Variants in LEF1 observed in about 807,000 individuals in gnomAD.
LEF1 encodes the protein lymphoid enhancer-binding factor 1.
In LEF1, 14 loss-of-function variants were observed where a neutral mutation model predicts 51.2. That is an observed-to-expected ratio of 0.27 (90% CI 0.18 to 0.43). The LOEUF is 0.43. Ranked by LOEUF, LEF1 falls within the 20% of genes least tolerant of loss-of-function variation. The pLI is 1.00. For synonymous variants in LEF1, 185 were observed against 183.2 expected, an observed-to-expected ratio of 1.01 and a Z score of -0.08; for missense variants, 386 against 512.0, an observed-to-expected ratio of 0.75 and a Z score of 2.37.
intron 3 of LEF1, among the ~76,000 whole-genome samples, chr4:108,103,301 A>G (rs1740942972): frequency 6.6e-6 from 1 of 152,258 alleles, no homozygotes; most frequent in Non-Finnish European, 1.5e-5. Context: ...CAATCAGTAT[A>G]TTATTCACAA....
chr4:108,089,071 A>T, intron 4 of LEF1, 54 bp downstream of exon 4: 1 of 1,608,674 alleles, frequency 6.2e-7, no homozygotes, highest in East Asian at 2.2e-5. Context: ...GGCTGATGAG[A>T]TTTGGCTCTT....
At chr4:108,081,904 T>G (rs1739332208) in intron 5 of LEF1, among the ~76,000 whole-genome samples, 2 of 152,200 alleles carry the variant, frequency 1.3e-5, no homozygotes, top group Admixed American at 1.3e-4. Flanking sequence ...AAACCATCCA[T>G]GAATTACATC....
chr4:108,091,936 C>A (rs1476231028), intron 3 of LEF1, among the ~76,000 whole-genome samples: 1 of 152,096 alleles, frequency 6.6e-6, no homozygotes. Context: ...GCATAATTGC[C>A]AAACAATCTA....
At chr4:108,157,146 CATT>C in intron 3 of LEF1, among the ~76,000 whole-genome samples, 1 of 134,860 alleles carries the variant, frequency 7.4e-6, no homozygotes. Context: ...TCTACCTCTT[CATT>C]CTCTCTCTCT....
intron 3 of LEF1, among the ~76,000 whole-genome samples, chr4:108,115,787 T>C (rs1741795966): frequency 6.6e-6 from 1 of 151,482 alleles, no homozygotes; most frequent in African/African-American, 2.4e-5. Context: ...TCCTTGCATT[T>C]TACCAATAAG....
intron 6 of LEF1, among the ~76,000 whole-genome samples, chr4:108,080,510 C>A (rs1159134808): frequency 1.3e-5 from 2 of 152,076 alleles, no homozygotes; most frequent in African/African-American, 4.8e-5. Flanking sequence ...TTTTCAAAAA[C>A]AAATTTTAAA....
In LEF1 at chr4:108,072,250, TCTC is replaced by T. The variant is rs548601379; in HGVS notation, c.1009-1483_1009-1481del. ...GAGAGGTTGATGAGAGAGAAAAACT[TCTC>T]CTAGAGGAGGCTATGTCTAAGTCCT... On this transcript the variant is annotated intron_variant, in intron 8 of 11. Transcript: ENST00000265165. 3.3e-5 allele frequency: 5 copies of T among 152,022 alleles called. No individual in the cohort carries two copies. In the South Asian group the frequency reaches 1.0e-3, roughly 32 times the overall value. The allele number at this position is 152,022 out of a possible 1,614,324, so 9.4% of individuals were successfully genotyped here. A position where few individuals can be genotyped will look rare whatever the true frequency, so the allele number is the denominator to read the frequency against.
chr4:108,089,778 A>T (rs1739889493), intron 3 of LEF1, among the ~76,000 whole-genome samples: 2 of 152,184 alleles, frequency 1.3e-5, no homozygotes, highest in African/African-American at 4.8e-5. Flanking sequence ...ATATCCCCTC[A>T]GCTTACAGAG....
intron 7 of LEF1, 102 bp from the exon 8 acceptor site, chr4:108,078,484 G>A (rs1363785429): frequency 1.4e-6 from 2 of 1,466,684 alleles, no homozygotes; most frequent in East Asian, 2.3e-5. Flanking sequence ...GCTACACTCA[G>A]GATGGCGACA....
intron 8 of LEF1, chr4:108,075,460 T>C (rs1231925941): frequency 2.0e-5 from 3 of 152,210 alleles, no homozygotes; most frequent in Non-Finnish European, 2.9e-5. Context: ...TGAATGTTCA[T>C]TTGCCAATCA....
intron 3 of LEF1, among the ~76,000 whole-genome samples, chr4:108,133,823 T>C (rs115120805): frequency 4.3e-4 from 65 of 152,346 alleles, no homozygotes; most frequent in African/African-American, 1.5e-3. Context: ...TGAGATTCAT[T>C]ACATCAGAAA....
chr4:108,144,305 C>T (rs543562759), intron 3 of LEF1, among the ~76,000 whole-genome samples: 1 of 152,310 alleles, frequency 6.6e-6, no homozygotes, highest in East Asian at 1.9e-4. Context: ...TTTGGTTATT[C>T]CTTCAGTGAA....
At chr4:108,149,458 CAAA>C (rs371482539) in intron 3 of LEF1, among the ~76,000 whole-genome samples, 3 of 60,586 alleles carry the variant, frequency 5.0e-5, no homozygotes, top group African/African-American at 1.4e-4. Context: ...GACTCCGTCT[CAAA>C]AAAAAAAAAA....
At chr4:108,150,062 G>C (rs1001749236) in intron 3 of LEF1, among the ~76,000 whole-genome samples, 2 of 151,792 alleles carry the variant, frequency 1.3e-5, no homozygotes, top group Non-Finnish European at 2.9e-5. Flanking sequence ...ACTCACTGTT[G>C]CAACTTCTCA....
chr4:108,063,539 T>C (rs1470647765), intron 11 of LEF1, 84 bp downstream of exon 11: 3 of 1,037,496 alleles, frequency 2.9e-6, no homozygotes, highest in Non-Finnish European at 2.9e-6. Flanking sequence ...TCGAATGAAC[T>C]CATTATGAGC....
intron 11 of LEF1, among the ~76,000 whole-genome samples, chr4:108,063,267 G>C (rs1737822487): frequency 6.6e-6 from 1 of 152,174 alleles, no homozygotes; most frequent in African/African-American, 2.4e-5. Flanking sequence ...CCCTGGATTT[G>C]CTGAGTAAGA....
chr4:108,067,942 A>G (rs1216785452), intron 9 of LEF1, among the ~76,000 whole-genome samples: 1 of 151,986 alleles, frequency 6.6e-6, no homozygotes, highest in Non-Finnish European at 1.5e-5. Context: ...AGCCTGGCTC[A>G]GGGGTGAAAA....
At position 108,106,593 on chromosome 4, in the gene LEF1, G is replaced by A. The variant is rs142745864; in HGVS notation, c.415-17336C>T. 2.4e-3 allele frequency among the ~76,000 whole-genome samples: 364 copies of A among 152,236 alleles called. 1 individual carries two copies. The highest frequency in any genetic ancestry group is 6.6e-3 in the African/African-American group (273 of 41,548). On this transcript the variant is annotated intron_variant, in intron 3 of 11. Transcript: ENST00000265165. ...TAGGGTACTTTTGTTGTCGTTTCATGCAACACAAGTTATAAAGTGACTTGT... is the reference window on the plus strand; with the variant it reads ...TAGGGTACTTTTGTTGTCGTTTCATACAACACAAGTTATAAAGTGACTTGT...
At chr4:108,050,996 G>C (rs1736952443) in intron 11 of LEF1, among the ~76,000 whole-genome samples, 1 of 152,176 alleles carries the variant, frequency 6.6e-6, no homozygotes, top group Non-Finnish European at 1.5e-5. Context: ...CCTCTCTTAA[G>C]CTGAGTACAA....
Sources: allele counts gnomAD v4.1 joint callset (sites outside exome capture counted in the v4.1 genomes callset), GRCh38; gene constraint gnomAD v4.1.1; transcripts MANE v1.5; gene names NCBI Gene and HGNC (gene_info 2026-07-23, HGNC 2026-07-21).